Variants in TNFAIP8 observed in about 807,000 individuals in gnomAD.
TNFAIP8 encodes TNF alpha induced protein 8, also known as tumor necrosis factor alpha-induced protein 8.
In TNFAIP8, 7 loss-of-function variants were observed where a neutral mutation model predicts 13.3. That is an observed-to-expected ratio of 0.52 (90% confidence interval 0.30 to 0.99). The LOEUF (loss-of-function observed/expected upper bound fraction) is 0.99. Ranked by LOEUF, TNFAIP8 falls within the 50% of genes least tolerant of loss-of-function variation. The pLI, the probability that TNFAIP8 is intolerant of heterozygous loss-of-function variation, is 0.07. For synonymous variants in TNFAIP8, 94 were observed against 87.6 expected, an observed-to-expected ratio of 1.07 and a Z score of -0.41; for missense variants, 258 against 236.9, an observed-to-expected ratio of 1.09 and a Z score of -0.58.
rs78412999 is a variant in TNFAIP8, at chr5:119,336,568, G to C, written c.2-56248G>C. ...GAAATACTCTGCTGAATATTGCCTTGCTTTGTTTTGCTATGGAGATAAATC... is the reference window on the plus strand; with the variant it reads ...GAAATACTCTGCTGAATATTGCCTTCCTTTGTTTTGCTATGGAGATAAATC... On this transcript the variant is annotated intron_variant, in intron 1 of 1. Transcript: ENST00000274456. 7.5e-3 allele frequency among the ~76,000 whole-genome samples: 1,140 copies of C among 152,240 alleles called. 16 individuals are homozygous for C. Among genetic ancestry groups the C allele is most frequent in the African/African-American group, 0.025 (1,055 of 41,536 alleles).
intron 1 of TNFAIP8, among the ~76,000 whole-genome samples, chr5:119,326,984 C>G (rs1257652313): frequency 3.9e-5 from 6 of 152,110 alleles, no homozygotes; most frequent in Non-Finnish European, 7.4e-5. Context: ...CTCCATTGTC[C>G]TGAAGGGGCT....
chr5:119,392,208 T>C (rs930485940), intron 1 of TNFAIP8, among the ~76,000 whole-genome samples: 3 of 152,246 alleles, frequency 2.0e-5, no homozygotes, highest in African/African-American at 7.2e-5. Context: ...CACTGGCCAA[T>C]GTCTTGGGAA....
chr5:119,312,627 G>C (rs540818384), intron 1 of TNFAIP8, among the ~76,000 whole-genome samples: 24 of 151,662 alleles, frequency 1.6e-4, no homozygotes, highest in South Asian at 4.2e-4. Context: ...AGCTGGGCTC[G>C]GTGGCTCACG....
At chr5:119,324,274 C>CAAAAAAAAAAAAAAAAAAAAAAAAA (rs56104829) in intron 1 of TNFAIP8, among the ~76,000 whole-genome samples, 1 of 77,680 alleles carries the variant, frequency 1.3e-5, no homozygotes. Flanking sequence ...GACGCCATCT[C>CAAAAAAAAAAAAAAAAAAAAAAAAA]AAAAAAAAAA....
At position 119,305,193 on chromosome 5, in the gene TNFAIP8, A is replaced by G. The variant is rs185573548; in HGVS notation, c.1+36286A>G. 3.7e-3 allele frequency among the ~76,000 whole-genome samples: 557 copies of G among 152,302 alleles called. 1 individual carries two copies. The highest frequency in any genetic ancestry group is 0.012 in the African/African-American group (516 of 41,562). On this transcript the variant is annotated intron_variant, in intron 1 of 1. Coordinates refer to the TNFAIP8 transcript ENST00000274456. ...TAAAAGGTTTCAGAAAATATGGGGT[A>G]TCTTAAAAAACCTCTTTGATAGTCA...
intron 1 of TNFAIP8, among the ~76,000 whole-genome samples, chr5:119,385,752 A>G (rs772418363): frequency 4.6e-5 from 7 of 152,332 alleles, no homozygotes; most frequent in Non-Finnish European, 1.0e-4. Flanking sequence ...TTCTCAGTTC[A>G]TGATACTACC....
chr5:119,363,161 CA>C (rs1751697956), intron 1 of TNFAIP8, among the ~76,000 whole-genome samples: 1 of 152,178 alleles, frequency 6.6e-6, no homozygotes. Flanking sequence ...CCTTGGAAGC[CA>C]GAAAGGCGAG....
At chr5:119,308,093 G>A (rs187371678) in intron 1 of TNFAIP8, among the ~76,000 whole-genome samples, 20 of 152,198 alleles carry the variant, frequency 1.3e-4, no homozygotes, top group Admixed American at 1.2e-3. Context: ...AACTTCTTGT[G>A]GTGCAACATG....
At chr5:119,364,900 G>A (rs1416795668) in intron 1 of TNFAIP8, among the ~76,000 whole-genome samples, 1 of 135,298 alleles carries the variant, frequency 7.4e-6, no homozygotes, top group Non-Finnish European at 1.5e-5. Context: ...CGCCCATGCT[G>A]GAGTGCAGTG....
intron 1 of TNFAIP8, among the ~76,000 whole-genome samples, chr5:119,326,736 G>A (rs1750238654): frequency 6.6e-6 from 1 of 152,304 alleles, no homozygotes; most frequent in South Asian, 2.1e-4. Flanking sequence ...GGAGGTTGGG[G>A]TGATGGGGCT....
Position 119,397,980 on chromosome 5 carries a change from C to A in TNFAIP8, c.*4599C>A, listed in dbSNP as rs538384445. ...TATAGGGAACAAGCGAGTCCCAAAT[C>A]GTACCATCTGCTGAGCACTGAGAAA... On this transcript the variant is annotated 3_prime_UTR_variant, in exon 2 of 2. Transcript: ENST00000504771. 1 of 152,210 alleles carries A rather than the reference C, an allele frequency of 6.6e-6. No homozygotes were observed. The highest frequency in any genetic ancestry group is 2.1e-4 in the South Asian group (1 of 4,834). The allele number at this position is 152,210 out of a possible 1,614,324, so 9.4% of individuals were successfully genotyped here. A position where few individuals can be genotyped will look rare whatever the true frequency, so the allele number is the denominator to read the frequency against.
At chr5:119,379,295 A>G (rs1173480701) in intron 1 of TNFAIP8, among the ~76,000 whole-genome samples, 1 of 152,116 alleles carries the variant, frequency 6.6e-6, no homozygotes, top group African/African-American at 2.4e-5. Context: ...AAGCACTTTG[A>G]ACAATACAGA....
At chr5:119,310,437 A>G (rs1027755908) in intron 1 of TNFAIP8, among the ~76,000 whole-genome samples, 6 of 151,506 alleles carry the variant, frequency 4.0e-5, no homozygotes, top group Non-Finnish European at 5.9e-5. Flanking sequence ...GGAGGACTAC[A>G]GGGCACCTCT....
At chr5:119,368,667 T>C (rs1751963084) in intron 1 of TNFAIP8, among the ~76,000 whole-genome samples, 1 of 152,172 alleles carries the variant, frequency 6.6e-6, no homozygotes, top group South Asian at 2.1e-4. Context: ...TGATTTGAAA[T>C]ACAAAATGCT....
chr5:119,270,027 C>T (rs1400651466), intron 1 of TNFAIP8, among the ~76,000 whole-genome samples: 1 of 152,230 alleles, frequency 6.6e-6, no homozygotes, highest in Non-Finnish European at 1.5e-5. Context: ...TATTCTCCTA[C>T]TTCCTTGATA....
In TNFAIP8 at chr5:119,399,681, T is replaced by C. The variant is rs1157285509; in HGVS notation, c.*6300T>C. 2 of 152,238 alleles carry C rather than the reference T, an allele frequency of 1.3e-5. No individual in the cohort carries two copies. Among genetic ancestry groups the C allele is most frequent in the Non-Finnish European group, 2.9e-5 (2 of 68,038 alleles). 9.4% of individuals were successfully genotyped at this position (152,238 alleles called of 1,614,324 possible). A position where few individuals can be genotyped will look rare whatever the true frequency, so the allele number is the denominator to read the frequency against. On this transcript the variant is annotated 3_prime_UTR_variant, in exon 2 of 2. Coordinates refer to ENST00000504771, the MANE Select transcript of TNFAIP8 (RefSeq NM_014350.4). ...CTTAACCAATTAAATTCTGAATCTCTTAAATCACTTGATTATTCATGCTGG... is the reference window on the plus strand; with the variant it reads ...CTTAACCAATTAAATTCTGAATCTCCTAAATCACTTGATTATTCATGCTGG...
intron 1 of TNFAIP8, chr5:119,268,924 C>A (rs1323243182): frequency 2.9e-6 from 2 of 698,226 alleles, no homozygotes; most frequent in Non-Finnish European, 5.2e-6. Context: ...GGCTCCTGGG[C>A]GCGCCCGTCC....
At chr5:119,365,780 C>T (rs1308132730) in intron 1 of TNFAIP8, among the ~76,000 whole-genome samples, 1 of 152,066 alleles carries the variant, frequency 6.6e-6, no homozygotes, top group Non-Finnish European at 1.5e-5. Context: ...AAATGCATGC[C>T]TCCTCAATAT....
intron 1 of TNFAIP8, among the ~76,000 whole-genome samples, chr5:119,298,394 G>A (rs1405465473): frequency 6.6e-6 from 1 of 151,642 alleles, no homozygotes; most frequent in Non-Finnish European, 1.5e-5. Context: ...ATGAAATTCT[G>A]GGTTGAAAAT....
Sources: gnomAD v4.1 joint callset for allele counts (sites outside exome capture counted in the v4.1 genomes callset) on GRCh38, gnomAD v4.1.1 for gene constraint, MANE v1.5 for transcripts, NCBI Gene and HGNC (gene_info 2026-07-23, HGNC 2026-07-21) for gene names.